The following STXBP4 variants were observed in gnomAD, a reference collection of about 807,000 sequenced individuals.
STXBP4 encodes syntaxin-binding protein 4.
In STXBP4, 55 loss-of-function variants were observed where a neutral mutation model predicts 76.1. That is an observed-to-expected ratio of 0.72 (90% CI 0.58 to 0.91). The LOEUF (loss-of-function observed/expected upper bound fraction) is 0.91, where lower values mean the gene tolerates loss of function less well. Ranked by LOEUF, STXBP4 falls within the 40% of genes least tolerant of loss-of-function variation. The pLI is 0.00. For synonymous variants in STXBP4, 201 were observed against 220.2 expected (o/e 0.91, Z 0.77); for missense variants, 618 against 636.9 (o/e 0.97, Z 0.32).
At chr17:55,188,523 A>G in the STXBP4 span, among the ~76,000 whole-genome samples, 936 of 152,324 alleles carry the variant, frequency 6.1e-3, 11 homozygotes, top group African/African-American at 0.021. Flanking sequence ...CTTTCTCTCC[A>G]GAGCACCTTA....
downstream of STXBP4, among the ~76,000 whole-genome samples, chr17:55,175,091 A>AT (rs1278009349): frequency 1.3e-5 from 2 of 152,062 alleles, no homozygotes; most frequent in African/African-American, 4.8e-5. Context: ...TCCAACAAAC[A>AT]TTTTTTGAGT....
chr17:55,042,723 C>T (rs1177417159), intron 10 of STXBP4, among the ~76,000 whole-genome samples: 1 of 152,060 alleles, frequency 6.6e-6, no homozygotes, highest in Non-Finnish European at 1.5e-5. Context: ...CTTCAATCTA[C>T]AATTTCTGTG....
chr17:55,116,822 T>G (rs1472387015), intron 16 of STXBP4, among the ~76,000 whole-genome samples: 1 of 151,776 alleles, frequency 6.6e-6, no homozygotes, highest in African/African-American at 2.4e-5. Flanking sequence ...AGATTTCAAA[T>G]CTCTGTAGTA....
At chr17:55,063,602 C>CT (rs1214525800) in intron 12 of STXBP4, among the ~76,000 whole-genome samples, 1 of 152,102 alleles carries the variant, frequency 6.6e-6, no homozygotes, top group Non-Finnish European at 1.5e-5. Context: ...TAAATGCGTG[C>CT]TTTATATGGA....
At chr17:55,174,976 A>G (rs775306298), downstream of STXBP4, among the ~76,000 whole-genome samples, 1 of 152,104 alleles carries the variant, frequency 6.6e-6, no homozygotes, top group South Asian at 2.1e-4. Flanking sequence ...GTGAGCCAAG[A>G]TAGCGCCACT....
At chr17:55,091,092 C>T (rs1235685820) in intron 16 of STXBP4, among the ~76,000 whole-genome samples, 1 of 152,048 alleles carries the variant, frequency 6.6e-6, no homozygotes. Flanking sequence ...AGAGAATATA[C>T]TTTATTTTCT....
chr17:55,078,316 G>T, intron 14 of STXBP4, 122 bp downstream of exon 14: 2 of 654,716 alleles, frequency 3.1e-6, no homozygotes, highest in Non-Finnish European at 2.6e-6. Flanking sequence ...AGCAATGCTG[G>T]CTTATGGTCA....
chr17:55,084,431 T>TCTTTTGTAG (rs1352926225), intron 16 of STXBP4, among the ~76,000 whole-genome samples: 4 of 152,290 alleles, frequency 2.6e-5, no homozygotes, highest in South Asian at 2.1e-4. Context: ...TTTTGTAGGT[T>TCTTTTGTAG]GCCTGTTCTT....
intron 16 of STXBP4, among the ~76,000 whole-genome samples, chr17:55,090,776 AGGGATC>A (rs949413657): frequency 5.9e-5 from 9 of 152,238 alleles, no homozygotes; most frequent in African/African-American, 2.2e-4. Flanking sequence ...AAGATAGAAG[AGGGATC>A]TCATGCTAAA....
chr17:55,174,217 G>T (rs553295012), downstream of STXBP4, among the ~76,000 whole-genome samples: 91 of 152,306 alleles, frequency 6.0e-4, 1 homozygote, highest in South Asian at 0.018. Context: ...ATGAGCATTT[G>T]TAGGGGAGAA....
intron 16 of STXBP4, among the ~76,000 whole-genome samples, chr17:55,133,462 G>T (rs1448541916): frequency 6.6e-6 from 1 of 152,106 alleles, no homozygotes; most frequent in Non-Finnish European, 1.5e-5. Flanking sequence ...GGTCCAGACT[G>T]GGGATAGAGA....
rs979551445 is a variant in STXBP4, at chr17:55,172,028, T to A, written c.*12117T>A. On this transcript the variant is annotated 3_prime_UTR_variant, in exon 18 of 18. Coordinates refer to ENST00000376352, the MANE Select transcript of STXBP4 (RefSeq NM_178509.6). ...CCCACTGTTGGTCATTCTTTGTAGA[T>A]GTGAGTTATTGCCCTATTGAGATCA... The A allele has an allele frequency of 1.3e-5, 2 of 152,228 alleles. No individual in the cohort carries two copies. Among genetic ancestry groups the A allele is most frequent in the African/African-American group, 4.8e-5 (2 of 41,450 alleles). The allele number at this position is 152,228 out of a possible 1,614,324, so 9.4% of individuals were successfully genotyped here.
At position 55,034,269 on chromosome 17, in the gene STXBP4, GC is replaced by G; in HGVS notation, c.855+13del. The G allele has an allele frequency of 6.3e-7, 1 of 1,594,710 alleles. No individual in the cohort carries two copies. On this transcript the variant is annotated intron_variant, in intron 10 of 17. Coordinates refer to ENST00000376352, the MANE Select transcript of STXBP4 (RefSeq NM_178509.6). ...TATATTAGATTCACAGGTAGAGTAT[GC>G]CCTATAGAATTGCTTTGACATGTAT...
At position 55,031,889 on chromosome 17, in the gene STXBP4, G is replaced by A. The variant is rs561912389; in HGVS notation, c.763+625G>A. Among the ~76,000 whole-genome samples, 38 of 152,134 alleles carry A rather than the reference G, an allele frequency of 2.5e-4. No homozygotes were observed. In the South Asian group the frequency reaches 7.3e-3, roughly 29 times the overall value. On this transcript the variant is annotated intron_variant, in intron 9 of 17. Coordinates refer to ENST00000376352, the MANE Select transcript of STXBP4 (RefSeq NM_178509.6). ...TGTAGTTCAAGCCTATGTTGTTCAG[G>A]GGTCAACTCTATTCTTATTAAAGAT...
At chr17:55,000,942 A>G (rs1400852055) in intron 7 of STXBP4, 59 bp downstream of exon 7, 15 of 1,182,664 alleles carry the variant, frequency 1.3e-5, no homozygotes, top group South Asian at 9.0e-5. Context: ...CTCAATGAGG[A>G]GTGTGTAATG....
intron 8 of STXBP4, among the ~76,000 whole-genome samples, chr17:55,023,961 C>G (rs1024831396): frequency 3.4e-5 from 5 of 148,352 alleles, no homozygotes; most frequent in Admixed American, 1.3e-4. Flanking sequence ...GAGAAATGCT[C>G]CAACCCAAGG....
chr17:55,074,581 T>G (rs1371809778), intron 13 of STXBP4, among the ~76,000 whole-genome samples: 8 of 152,192 alleles, frequency 5.3e-5, no homozygotes, highest in Admixed American at 4.6e-4. Context: ...TTAAATGATA[T>G]AACTTTCAAG....
the STXBP4 span, among the ~76,000 whole-genome samples, chr17:55,197,471 C>T: frequency 6.6e-6 from 1 of 152,174 alleles, no homozygotes; most frequent in African/African-American, 2.4e-5. Flanking sequence ...TGGCCAGGCG[C>T]TGTGGCTCAC....
intron 16 of STXBP4, among the ~76,000 whole-genome samples, chr17:55,131,063 A>G (rs555838965): frequency 2.6e-5 from 4 of 152,292 alleles, no homozygotes; most frequent in East Asian, 1.9e-4. Flanking sequence ...TCATATAGTA[A>G]TTTTAGTTTT....
Sources: allele counts gnomAD v4.1 joint callset (sites outside exome capture counted in the v4.1 genomes callset), GRCh38; gene constraint gnomAD v4.1.1; transcripts MANE v1.5; gene names NCBI Gene and HGNC (gene_info 2026-07-23, HGNC 2026-07-21).